HHIP: variants seen among roughly 807,000 people sequenced by gnomAD.
HHIP encodes hedgehog interacting protein.
A neutral mutation model predicts 74.0 loss-of-function variants in HHIP; 12 were observed. The observed-to-expected ratio is 0.16, with a 90% CI of 0.10 to 0.26. The LOEUF (loss-of-function observed/expected upper bound fraction) is 0.26, where lower values mean the gene tolerates loss of function less well. Ranked by LOEUF, HHIP falls within the 10% of genes least tolerant of loss-of-function variation. HHIP has a pLI of 1.00. For synonymous variants in HHIP, 309 were observed against 311.6 expected (o/e 0.99, Z 0.09); for missense variants, 788 against 845.0 (o/e 0.93, Z 0.84).
rs1560729144 is a variant in HHIP at position 144,742,982 on chromosome 4, TAC to T, written c.*5027_*5028del. ...CATATAAGATATATGTATATATATA[TAC>T]ATTATATATATATAATATATATATA... On this transcript the variant is annotated 3_prime_UTR_variant, in exon 13 of 13. Coordinates refer to ENST00000296575, the MANE Select transcript of HHIP (RefSeq NM_022475.3). 11 of 1,468 alleles carry T rather than the reference TAC, an allele frequency of 7.5e-3. No individual in the cohort carries two copies. The highest frequency in any genetic ancestry group is 0.013 in the African/African-American group (10 of 774). The allele number at this position is 1,468 out of a possible 1,614,324, so 0.1% of individuals were successfully genotyped here. A position where few individuals can be genotyped will look rare whatever the true frequency, so the allele number is the denominator to read the frequency against.
chr4:144,719,558 C>T (rs1730571400), intron 11 of HHIP, among the ~76,000 whole-genome samples: 1 of 152,002 alleles, frequency 6.6e-6, no homozygotes, highest in Non-Finnish European at 1.5e-5. Flanking sequence ...CTGGTCCTTC[C>T]CACTCACCCA....
chr4:144,666,935 G>A (rs939553703), intron 4 of HHIP, among the ~76,000 whole-genome samples: 6 of 152,196 alleles, frequency 3.9e-5, no homozygotes, highest in African/African-American at 9.7e-5. Flanking sequence ...TAAATGTGAA[G>A]TGCTTTGTAA....
chr4:144,735,105 A>G (rs1385680172), intron 12 of HHIP, among the ~76,000 whole-genome samples: 1 of 152,220 alleles, frequency 6.6e-6, no homozygotes, highest in Non-Finnish European at 1.5e-5. Flanking sequence ...TTAATTATAA[A>G]TATACAAAAC....
At chr4:144,653,425 T>C (rs542979782) in intron 2 of HHIP, among the ~76,000 whole-genome samples, 13 of 152,274 alleles carry the variant, frequency 8.5e-5, no homozygotes, top group African/African-American at 2.4e-4. Context: ...AGGAGAGATA[T>C]GGAATTTCTT....
intron 4 of HHIP, 45 bp from the exon 5 acceptor site, chr4:144,706,486 A>C (rs1439960063): frequency 6.7e-7 from 1 of 1,484,404 alleles, no homozygotes; most frequent in Non-Finnish European, 9.1e-7. Context: ...ACAATAAAGA[A>C]CATAATTAAC....
At position 144,679,395 on chromosome 4, in the gene HHIP, G is replaced by T. The variant is rs185747929; in HGVS notation, c.831+19557G>T. On this transcript the variant is annotated intron_variant, in intron 4 of 12. Transcript: ENST00000296575. ...TCTTTAGTTTAATTAGATCCCATTT[G>T]TTGATTTTGGCTATTTTTTGCCATT... is the stretch of plus-strand genomic sequence containing the variant. 1.6e-3 allele frequency among the ~76,000 whole-genome samples: 236 copies of T among 152,218 alleles called. 4 individuals are homozygous for T. The highest frequency in any genetic ancestry group is 5.5e-3 in the African/African-American group (228 of 41,544).
chr4:144,691,417 A>G (rs907014841), intron 4 of HHIP, among the ~76,000 whole-genome samples: 16 of 152,216 alleles, frequency 1.1e-4, no homozygotes, highest in African/African-American at 3.6e-4. Context: ...AATATTTAAG[A>G]AAGAGAAGAG....
intron 4 of HHIP, among the ~76,000 whole-genome samples, chr4:144,664,429 G>C (rs560007373): frequency 4.3e-4 from 66 of 152,306 alleles, no homozygotes; most frequent in African/African-American, 1.5e-3. Context: ...TGAAATCTAA[G>C]TCCTCATCAA....
chr4:144,661,078 G>A (rs2126591103), intron 4 of HHIP, among the ~76,000 whole-genome samples: 1 of 152,244 alleles, frequency 6.6e-6, no homozygotes, highest in East Asian at 1.9e-4. Context: ...CAGAATACTG[G>A]AAAATTTTTT....
chr4:144,712,043 T>A lies in HHIP; in HGVS notation c.1395T>A (p.Ile465=), dbSNP rs200057636. 6.2e-7 allele frequency: 1 copy of A among 1,613,040 alleles called. No individual in the cohort carries two copies. The highest frequency in any genetic ancestry group is 1.3e-5 in the African/African-American group (1 of 74,882). ...SNGKNRSSAR[I]LQIIKGKDYE... ...GAAAAAACAGATCATCAGCCAGAAT[T>A]CTACAGATAATAAAGGGGAAAGATT... The change falls in exon 8 of 13, where the codon ATT becomes ATA. Residue 465 remains isoleucine, a synonymous_variant. Coordinates refer to ENST00000296575, the MANE Select transcript of HHIP (RefSeq NM_022475.3).
intron 8 of HHIP, 100 bp from the exon 9 acceptor site, chr4:144,714,125 A>G (rs550514514): frequency 3.7e-5 from 38 of 1,036,780 alleles, no homozygotes; most frequent in Admixed American, 3.0e-4. Context: ...CATAGAACAC[A>G]TTTCAGAGTT....
intron 4 of HHIP, among the ~76,000 whole-genome samples, chr4:144,660,426 C>G (rs1040344120): frequency 6.6e-6 from 1 of 152,052 alleles, no homozygotes; most frequent in Non-Finnish European, 1.5e-5. Flanking sequence ...AAGTTTGTTT[C>G]ACAAGAGTGA....
At chr4:144,684,424 A>G (rs1202325252) in intron 4 of HHIP, among the ~76,000 whole-genome samples, 3 of 148,660 alleles carry the variant, frequency 2.0e-5, no homozygotes, top group African/African-American at 7.4e-5. Flanking sequence ...ACGCCCGGCT[A>G]TTTTTTTTAT....
intron 4 of HHIP, among the ~76,000 whole-genome samples, chr4:144,700,424 C>T (rs1263268898): frequency 6.6e-6 from 1 of 152,138 alleles, no homozygotes; most frequent in African/African-American, 2.4e-5. Flanking sequence ...ATGTCCTTGT[C>T]CTTTCCCTAG....
chr4:144,735,083 C>T (rs1380517750), intron 12 of HHIP, among the ~76,000 whole-genome samples, 194 bp downstream of exon 12: 2 of 152,142 alleles, frequency 1.3e-5, no homozygotes, highest in Non-Finnish European at 2.9e-5. Flanking sequence ...GTAAACAATT[C>T]ACTTATGTAA....
In HHIP at chr4:144,718,910, A is replaced by T. The variant is rs1300784571; in HGVS notation, c.1714A>T (p.Thr572Ser). Residue 572 changes from threonine (T) to serine (S), a missense_variant, in exon 11 of 13, where the codon ACC (threonine) becomes TCC (serine). By Grantham distance (58) the Thr-to-Ser change is moderately conservative. Transcript: ENST00000296575. The part of the protein sequence containing the change: ...VYILSSSKSM[T>S]QTHNGKLYKI... ...CATTTTATCAAGCAGTAAAAGTATG[A>T]CCCAGACTCACAATGGAAAACTCTA... is the stretch of plus-strand genomic sequence containing the variant. The T allele has an allele frequency of 6.2e-7, 1 of 1,610,774 alleles. No individual in the cohort carries two copies. The highest frequency in any genetic ancestry group is 8.5e-7 in the Non-Finnish European group (1 of 1,177,274).
rs535650847 is a variant in HHIP at position 144,682,953 on chromosome 4, G to C, written c.831+23115G>C. On this transcript the variant is annotated intron_variant, in intron 4 of 12. Coordinates refer to ENST00000296575, the MANE Select transcript of HHIP (RefSeq NM_022475.3). The stretch of plus-strand genomic sequence containing the variant: ...TGCAGATTTTGATAAAACAAAGCTT[G>C]GATATATTTGCGTTTAGAGGAAGAA... Among the ~76,000 whole-genome samples the C allele has an allele frequency of 9.2e-4, 140 of 152,234 alleles. 3 individuals carry two copies. Among genetic ancestry groups the C allele is most frequent in the African/African-American group, 3.2e-3 (135 of 41,540 alleles).
At chr4:144,670,813 T>C (rs1729020145) in intron 4 of HHIP, among the ~76,000 whole-genome samples, 1 of 146,512 alleles carries the variant, frequency 6.8e-6, no homozygotes, top group Non-Finnish European at 1.5e-5. Context: ...GCTAGTCTTA[T>C]GAGGATAGAA....
chr4:144,729,040 A>G (rs1730877030), intron 11 of HHIP, among the ~76,000 whole-genome samples: 1 of 152,182 alleles, frequency 6.6e-6, no homozygotes, highest in African/African-American at 2.4e-5. Flanking sequence ...GATTAAAGAC[A>G]ATTACGAAGA....
Sources: gnomAD v4.1 joint callset for allele counts (sites outside exome capture counted in the v4.1 genomes callset) on GRCh38, gnomAD v4.1.1 for gene constraint, MANE v1.5 for transcripts, NCBI Gene and HGNC (gene_info 2026-07-23, HGNC 2026-07-21) for gene names.